Variants in RELCH observed in about 807,000 individuals in gnomAD.
RELCH encodes RAB11 binding and LisH domain, coiled-coil and HEAT repeat containing.
A neutral mutation model predicts 150.3 loss-of-function variants in RELCH; 41 were observed. That is an observed-to-expected ratio of 0.27 (90% CI 0.21 to 0.35). The LOEUF is 0.35. RELCH is among the 10% of genes least tolerant of loss of function. The pLI is 1.00. For missense variants in RELCH, 1,092 were observed against 1,467.8 expected, an observed-to-expected ratio of 0.74 and a Z score of 4.18; for synonymous variants, 478 against 531.8, an observed-to-expected ratio of 0.90 and a Z score of 1.39.
chr18:62,264,405 T>C (rs1277594042), intron 17 of RELCH, among the ~76,000 whole-genome samples: 2 of 152,096 alleles, frequency 1.3e-5, no homozygotes, highest in East Asian at 3.9e-4. Context: ...TCTAGACTTC[T>C]CATTTTTGAG....
chr18:62,194,104 C>T (rs2038849551), intron 1 of RELCH, among the ~76,000 whole-genome samples: 1 of 152,028 alleles, frequency 6.6e-6, no homozygotes, highest in African/African-American at 2.4e-5. Flanking sequence ...AAAAATTATC[C>T]GTGCATGGTG....
intron 19 of RELCH, among the ~76,000 whole-genome samples, chr18:62,267,430 A>ATGTGTG (rs1422096685): frequency 2.4e-5 from 3 of 127,596 alleles, no homozygotes; most frequent in African/African-American, 5.3e-5. Flanking sequence ...CTAGGTATAT[A>ATGTGTG]TGTATGTGTG....
intron 10 of RELCH, 28 bp from the exon 11 acceptor site, chr18:62,244,736 G>T: frequency 7.0e-7 from 1 of 1,435,810 alleles, no homozygotes; most frequent in South Asian, 1.2e-5. Context: ...GTTTTTATTT[G>T]AATTTTTCCA....
At chr18:62,226,171 C>A (rs995247645) in intron 5 of RELCH, among the ~76,000 whole-genome samples, 1 of 151,958 alleles carries the variant, frequency 6.6e-6, no homozygotes, top group East Asian at 1.9e-4. Context: ...TATAATCTAT[C>A]AAATTAGTAC....
intron 13 of RELCH, among the ~76,000 whole-genome samples, chr18:62,257,355 T>G (rs998946676): frequency 3.3e-5 from 5 of 152,100 alleles, no homozygotes; most frequent in African/African-American, 9.7e-5. Flanking sequence ...TTAAGTACTT[T>G]TAAAGTTCAC....
chr18:62,237,299 T>G (rs1284645262), intron 10 of RELCH, among the ~76,000 whole-genome samples: 1 of 151,778 alleles, frequency 6.6e-6, no homozygotes, highest in African/African-American at 2.4e-5. Flanking sequence ...TTTATTAGAT[T>G]TAGTTGTTTT....
chr18:62,267,858 T>G (rs1037474944), intron 19 of RELCH, among the ~76,000 whole-genome samples: 3 of 151,906 alleles, frequency 2.0e-5, no homozygotes, highest in African/African-American at 7.3e-5. Context: ...GCTGTTGAAA[T>G]AAATAGGAAG....
At position 62,231,277 on chromosome 18, in the gene RELCH, A is replaced by T. The variant is rs750817980; in HGVS notation, c.1524+8A>T. 1.4e-5 allele frequency: 22 copies of T among 1,555,056 alleles called. No homozygotes were observed. Among genetic ancestry groups the T allele is most frequent in the Non-Finnish European group, 1.8e-5 (20 of 1,129,422 alleles). ...AGTCGTTTAGGATACGAGGTAAATT[A>T]TACCACCTATTTCCACAACTTTTTA... On this transcript the variant is annotated splice_region_variant and intron_variant, in intron 9 of 28. Coordinates refer to ENST00000644646, the MANE Select transcript of RELCH (RefSeq NM_001346231.2).
Position 62,309,850 on chromosome 18 carries a change from G to A in RELCH, c.*4316G>A, listed in dbSNP as rs2045961982. 1 of 152,104 alleles carries A rather than the reference G, an allele frequency of 6.6e-6. No homozygotes were observed. Among genetic ancestry groups the A allele is most frequent in the South Asian group, 2.1e-4 (1 of 4,818 alleles). The allele number at this position is 152,104 out of a possible 1,614,324, so 9.4% of individuals were successfully genotyped here. ...TAAAATATATGTAGTTTATAAACTG[G>A]TATTTTGTGTTGTGTGTTATGTATA... On this transcript the variant is annotated 3_prime_UTR_variant, in exon 29 of 29. Coordinates refer to ENST00000644646, the MANE Select transcript of RELCH (RefSeq NM_001346231.2).
At chr18:62,249,309 G>A (rs2042580548) in intron 11 of RELCH, among the ~76,000 whole-genome samples, 1 of 152,070 alleles carries the variant, frequency 6.6e-6, no homozygotes, top group African/African-American at 2.4e-5. Flanking sequence ...TTCTATTACT[G>A]AAACTTCTTT....
intron 1 of RELCH, among the ~76,000 whole-genome samples, chr18:62,201,215 C>T (rs574780728): frequency 7.9e-5 from 12 of 152,008 alleles, no homozygotes; most frequent in East Asian, 5.8e-4. Context: ...CCTTGTGATC[C>T]GCCTGCCTCG....
intron 20 of RELCH, among the ~76,000 whole-genome samples, chr18:62,270,531 G>A (rs934155654): frequency 6.6e-6 from 1 of 152,128 alleles, no homozygotes; most frequent in Non-Finnish European, 1.5e-5. Context: ...TAAGAATGAA[G>A]AAGAAACACC....
intron 9 of RELCH, 147 bp from the exon 10 acceptor site, chr18:62,232,185 T>C: frequency 1.7e-6 from 1 of 585,288 alleles, no homozygotes; most frequent in Middle Eastern, 3.6e-4. Context: ...CTGCTGTTGT[T>C]GTTGTTGTTG....
intron 24 of RELCH, 128 bp from the exon 25 acceptor site, chr18:62,282,178 A>G (rs1362210056): frequency 1.6e-6 from 1 of 612,508 alleles, no homozygotes; most frequent in East Asian, 3.2e-5. Context: ...CCAAATTTCT[A>G]CTGTCATTGG....
intron 1 of RELCH, among the ~76,000 whole-genome samples, chr18:62,204,241 AT>A (rs1276512941): frequency 6.6e-5 from 10 of 152,180 alleles, no homozygotes; most frequent in African/African-American, 1.9e-4. Flanking sequence ...GTAATAAAAA[AT>A]ATTGGAGAAA....
rs770453549 is a variant in RELCH, at chr18:62,257,934, A to G, written c.1897-14A>G. The stretch of plus-strand genomic sequence containing the variant: ...TTAGGTGTAAATAAATAGTAAAAAC[A>G]TGTTTATTTTCAGAAAGAAATCCGT... On this transcript the variant is annotated splice_polypyrimidine_tract_variant and intron_variant, in intron 13 of 28. Transcript: ENST00000644646. 5.1e-6 allele frequency: 8 copies of G among 1,578,162 alleles called. No homozygotes were observed. Among genetic ancestry groups the G allele is most frequent in the African/African-American group, 2.7e-5 (2 of 72,942 alleles).
intron 11 of RELCH, among the ~76,000 whole-genome samples, chr18:62,247,805 G>T (rs1330018235): frequency 1.3e-5 from 2 of 152,108 alleles, no homozygotes; most frequent in Admixed American, 6.6e-5. Flanking sequence ...CCTGGACTTT[G>T]CCAGGTGCTG....
chr18:62,264,234 A>T (rs1201574432), intron 17 of RELCH, 89 bp downstream of exon 17: 8 of 1,069,056 alleles, frequency 7.5e-6, no homozygotes, highest in African/African-American at 1.7e-5. Context: ...AAAACTTTTA[A>T]AATGTAACTC....
intron 28 of RELCH, among the ~76,000 whole-genome samples, chr18:62,299,368 G>A (rs955251977): frequency 6.6e-6 from 1 of 152,144 alleles, no homozygotes; most frequent in East Asian, 1.9e-4. Context: ...AGGAGTGGGA[G>A]TTATTTACAA....
Sources: gnomAD v4.1 joint callset for allele counts (sites outside exome capture counted in the v4.1 genomes callset) on GRCh38, gnomAD v4.1.1 for gene constraint, MANE v1.5 for transcripts, NCBI Gene and HGNC (gene_info 2026-07-23, HGNC 2026-07-21) for gene names.